KAT6B: variants seen among roughly 807,000 people sequenced by gnomAD.
KAT6B encodes lysine acetyltransferase 6B.
In KAT6B, 10 loss-of-function variants were observed where a neutral mutation model predicts 187.5. That is an observed-to-expected ratio of 0.05 (90% CI 0.03 to 0.09). KAT6B has a LOEUF of 0.09. Among genes scored for constraint, KAT6B ranks in the 10% least tolerant of loss-of-function variants. The pLI, the probability that KAT6B is intolerant of heterozygous loss-of-function variation, is 1.00. For missense variants in KAT6B, 1,952 were observed against 2,558.9 expected (o/e 0.76, Z 5.12); for synonymous variants, 861 against 926.8 (o/e 0.93, Z 1.29).
In KAT6B at chr10:75,021,902, G is replaced by A; in HGVS notation, c.3043G>A (p.Ala1015Thr). Residue 1015 changes from alanine (A) to threonine (T), a missense_variant, in exon 16 of 18, where the codon GCT (alanine) becomes ACT (threonine). Physicochemically the swap from Ala to Thr is moderately conservative, Grantham distance 58. Coordinates refer to ENST00000287239, the MANE Select transcript of KAT6B (RefSeq NM_012330.4). ...EKEAERLMEQ[A>T]SCWEKEEQEI... ...TTAGGCTGAGCGGCTAATGGAACAA[G>A]CTAGCTGCTGGGAGAAGGAGGAACA... 6.2e-7 allele frequency: 1 copy of A among 1,614,188 alleles called. No homozygotes were observed. The highest frequency in any genetic ancestry group is 8.5e-7 in the Non-Finnish European group (1 of 1,180,034).
chr10:74,982,509 T>A (rs776821751), intron 11 of KAT6B: 3 of 155,004 alleles, frequency 1.9e-5, no homozygotes, highest in Non-Finnish European at 2.9e-5. Context: ...TTGAAGACAT[T>A]TTGTATTTCC....
chr10:74,955,092 A>G (rs575036427), intron 3 of KAT6B, among the ~76,000 whole-genome samples: 2 of 152,344 alleles, frequency 1.3e-5, no homozygotes, highest in African/African-American at 4.8e-5. Context: ...AAAATGGTGC[A>G]GTATTTGTGT....
At chr10:74,991,531 C>T (rs779803357) in intron 13 of KAT6B, among the ~76,000 whole-genome samples, 11 of 152,208 alleles carry the variant, frequency 7.2e-5, no homozygotes, top group Non-Finnish European at 5.9e-5. Flanking sequence ...TATTAAACTA[C>T]AGAACACATT....
intron 1 of KAT6B, among the ~76,000 whole-genome samples, chr10:74,829,008 TAAA>T (rs796790976): frequency 7.3e-6 from 1 of 136,352 alleles, no homozygotes; most frequent in African/African-American, 2.7e-5. Flanking sequence ...AGTGATGGTT[TAAA>T]AAAAAAAAAA....
intron 13 of KAT6B, among the ~76,000 whole-genome samples, chr10:75,001,416 G>C (rs1263428984): frequency 6.6e-6 from 1 of 152,138 alleles, no homozygotes; most frequent in Non-Finnish European, 1.5e-5. Flanking sequence ...AAGCGAATTA[G>C]GAAGAAAGCC....
chr10:74,910,530 A>AT (rs1409610866), intron 3 of KAT6B, among the ~76,000 whole-genome samples: 3 of 150,708 alleles, frequency 2.0e-5, no homozygotes, highest in South Asian at 2.1e-4. Context: ...AATATGTTTA[A>AT]TTTTTTTTCT....
intron 3 of KAT6B, among the ~76,000 whole-genome samples, chr10:74,850,795 T>G (rs182585903): frequency 1.3e-5 from 2 of 152,360 alleles, no homozygotes; most frequent in African/African-American, 4.8e-5. Context: ...ATTTGAACAT[T>G]TGAGCTTTAG....
At position 75,029,055 on chromosome 10, in the gene KAT6B, G is replaced by C. The variant is rs1416626270; in HGVS notation, c.4231G>C (p.Glu1411Gln). 6.2e-7 allele frequency: 1 copy of C among 1,614,168 alleles called. No homozygotes were observed. Among genetic ancestry groups the C allele is most frequent in the East Asian group, 2.2e-5 (1 of 44,888 alleles). ...TGCACGTTTGGATGATCACGAAGAG[G>C]AGGAGGAAGAGGATGAAGAGCCATC... ...DSARLDDHEE[E>Q]EEEDEEPSHN... Residue 1411 changes from glutamate to glutamine, a missense_variant, in exon 18 of 18, where the codon GAG (glutamate) becomes CAG (glutamine). Around this residue, in one of 9 missense-constraint regions of KAT6B, gnomAD observed 758 missense variants for 891.4 expected, o/e 0.85. Coordinates refer to ENST00000287239, the MANE Select transcript of KAT6B (RefSeq NM_012330.4). The surrounding 1 kb of genome is among the most constrained non-coding windows in gnomAD (Gnocchi z 6.2).
intron 3 of KAT6B, among the ~76,000 whole-genome samples, chr10:74,951,439 T>A (rs925279650): frequency 2.0e-5 from 3 of 152,070 alleles, no homozygotes; most frequent in Admixed American, 6.6e-5. Flanking sequence ...GCGACCCTTT[T>A]TTTTTTTCTT....
At chr10:74,949,858 T>G (rs1840199278) in intron 3 of KAT6B, among the ~76,000 whole-genome samples, 2 of 152,236 alleles carry the variant, frequency 1.3e-5, no homozygotes, top group Non-Finnish European at 2.9e-5. Context: ...TATTTTTATT[T>G]TATTAGATTT....
chr10:74,847,608 G>A (rs1439292281), intron 3 of KAT6B, among the ~76,000 whole-genome samples: 3 of 152,012 alleles, frequency 2.0e-5, no homozygotes, highest in African/African-American at 7.2e-5. Context: ...AGATTGCAGT[G>A]AGCCGAGATT....
chr10:75,028,603 G>T lies in KAT6B; in HGVS notation c.3779G>T (p.Arg1260Met). The change falls in exon 18 of 18, where the codon AGG (arginine) becomes ATG (methionine). Residue 1260 changes from arginine to methionine, a missense_variant. Arg to Met is a moderately conservative substitution (Grantham distance 91, BLOSUM62 -1). This residue lies in a region of KAT6B where 758 missense variants were observed against 891.4 expected (regional missense o/e 0.85). Transcript: ENST00000287239. The stretch of plus-strand genomic sequence containing the variant: ...ACAAAGCGCGGTCTATCTAAGTGGA[G>T]GCAAAACAAAGAGAGGAAGACCGGA... ...KGTKRGLSKW[R>M]QNKERKTGFK... The T allele has an allele frequency of 6.2e-7, 1 of 1,614,170 alleles. No individual in the cohort carries two copies. Among genetic ancestry groups the T allele is most frequent in the Non-Finnish European group, 8.5e-7 (1 of 1,180,042 alleles).
chr10:74,839,510 G>A (rs1841570294), intron 2 of KAT6B, among the ~76,000 whole-genome samples: 1 of 152,120 alleles, frequency 6.6e-6, no homozygotes, highest in African/African-American at 2.4e-5. Context: ...GGGATTACGG[G>A]TGTGAGCCAC....
intron 3 of KAT6B, among the ~76,000 whole-genome samples, chr10:74,862,926 G>A (rs1280805228): frequency 2.0e-5 from 3 of 152,130 alleles, no homozygotes; most frequent in Non-Finnish European, 1.5e-5. Flanking sequence ...GCTGTAAACC[G>A]ATGTCCTCAT....
intron 3 of KAT6B, among the ~76,000 whole-genome samples, chr10:74,916,790 T>G (rs1847719517): frequency 6.6e-6 from 1 of 152,210 alleles, no homozygotes; most frequent in South Asian, 2.1e-4. Flanking sequence ...ACCTTATATA[T>G]CTGGGAACTT....
intron 3 of KAT6B, among the ~76,000 whole-genome samples, chr10:74,950,358 C>G (rs1225255138): frequency 6.6e-6 from 1 of 152,162 alleles, no homozygotes; most frequent in African/African-American, 2.4e-5. Context: ...TGAGGGAGTG[C>G]TGGGCATGAA....
intron 13 of KAT6B, among the ~76,000 whole-genome samples, chr10:75,010,877 G>A (rs368991986): frequency 2.6e-5 from 4 of 152,206 alleles, no homozygotes; most frequent in East Asian, 3.8e-4. Flanking sequence ...ATGTTCAATC[G>A]CAGTGTTTTC....
intron 3 of KAT6B, among the ~76,000 whole-genome samples, chr10:74,882,361 C>T (rs1844913437): frequency 6.6e-6 from 1 of 152,214 alleles, no homozygotes; most frequent in Non-Finnish European, 1.5e-5. Context: ...CTGCAGCCAT[C>T]CTCTTATCTG....
At chr10:74,865,954 A>AT (rs1843523287) in intron 3 of KAT6B, among the ~76,000 whole-genome samples, 1 of 152,060 alleles carries the variant, frequency 6.6e-6, no homozygotes, top group Non-Finnish European at 1.5e-5. Flanking sequence ...TTACGTGCTG[A>AT]TTTTTTTCAA....
Sources: allele counts gnomAD v4.1 joint callset (sites outside exome capture counted in the v4.1 genomes callset), GRCh38; gene constraint gnomAD v4.1.1; regional missense constraint gnomAD v4.1.1; non-coding constraint Gnocchi (gnomAD v3.1); transcripts MANE v1.5; gene names NCBI Gene and HGNC (gene_info 2026-07-23, HGNC 2026-07-21).